EFCAB8: variants seen among roughly 807,000 people sequenced by gnomAD.
EFCAB8 encodes EF-hand calcium-binding domain-containing protein 8.
In EFCAB8, 100 loss-of-function variants were observed where a neutral mutation model predicts 116.3. That is an observed-to-expected ratio of 0.86 (90% CI 0.73 to 1.02). EFCAB8 has a LOEUF of 1.02. Ranked by LOEUF, EFCAB8 falls within the 50% of genes least tolerant of loss-of-function variation. The pLI is 0.00. For synonymous variants in EFCAB8, 558 were observed against 567.9 expected (o/e 0.98, Z 0.25); for missense variants, 1,320 against 1,416.9 (o/e 0.93, Z 1.10).
intron 23 of EFCAB8, among the ~76,000 whole-genome samples, chr20:32,948,063 G>T (rs1988659933): frequency 6.6e-6 from 1 of 152,014 alleles, no homozygotes; most frequent in Non-Finnish European, 1.5e-5. Flanking sequence ...TCTTTGAAAA[G>T]ATAGTTAAAT....
At position 32,909,862 on chromosome 20, in the gene EFCAB8, C is replaced by T; in HGVS notation, c.1488C>T (p.Ile496=). The T allele has an allele frequency of 8.0e-7, 1 of 1,249,918 alleles. No individual in the cohort carries two copies. The highest frequency in any genetic ancestry group is 1.0e-6 in the Non-Finnish European group (1 of 988,284). The allele number at this position is 1,249,918 out of a possible 1,614,324, so 77.4% of individuals were successfully genotyped here. A position where few individuals can be genotyped will look rare whatever the true frequency, so the allele number is the denominator to read the frequency against. Residue 496 remains isoleucine, a synonymous_variant, in exon 15 of 27, where the codon ATC becomes ATT. Coordinates refer to ENST00000400522, the MANE Select transcript of EFCAB8 (RefSeq NM_001143967.2). ...LKGYLEAQGL[I]KARKRTTHCS... The stretch of plus-strand genomic sequence containing the variant: ...GGTACTTAGAGGCCCAGGGGCTTAT[C>T]AAAGCAAGGAAGAGGACCACTCATT...
intron 5 of EFCAB8, among the ~76,000 whole-genome samples, chr20:32,883,484 A>G (rs1187439895): frequency 6.6e-6 from 1 of 152,174 alleles, no homozygotes; most frequent in Non-Finnish European, 1.5e-5. Flanking sequence ...CCCATGTAGC[A>G]TGTCCAGTTC....
At chr20:32,876,624 T>A (rs1182972812) in intron 4 of EFCAB8, among the ~76,000 whole-genome samples, 1 of 152,198 alleles carries the variant, frequency 6.6e-6, no homozygotes, top group African/African-American at 2.4e-5. Context: ...TCTCTATGTA[T>A]TATTTTACTT....
intron 23 of EFCAB8, among the ~76,000 whole-genome samples, chr20:32,948,711 G>A (rs1482989754): frequency 6.6e-6 from 1 of 151,970 alleles, no homozygotes; most frequent in Non-Finnish European, 1.5e-5. Context: ...ATACAAGGTT[G>A]GTTTAATATT....
At chr20:32,909,766 C>A in intron 14 of EFCAB8, 55 bp from the exon 15 acceptor site, 1 of 963,172 alleles carries the variant, frequency 1.0e-6, no homozygotes, top group Non-Finnish European at 1.4e-6. Flanking sequence ...CAGCCCATCA[C>A]TGTGAGCAGA....
At chr20:32,950,686 T>G (rs1988771170) in intron 23 of EFCAB8, among the ~76,000 whole-genome samples, 1 of 152,198 alleles carries the variant, frequency 6.6e-6, no homozygotes, top group African/African-American at 2.4e-5. Context: ...AGCTTCCCTA[T>G]CTTAGTGCAC....
intron 17 of EFCAB8, among the ~76,000 whole-genome samples, chr20:32,913,588 T>C (rs1160635673): frequency 1.4e-4 from 22 of 152,218 alleles, no homozygotes; most frequent in Admixed American, 1.4e-3. Context: ...CTTGTTCCAG[T>C]ATCAACTTTA....
chr20:32,876,268 CCT>C (rs1446015145), intron 4 of EFCAB8, among the ~76,000 whole-genome samples: 2 of 152,194 alleles, frequency 1.3e-5, no homozygotes, highest in Non-Finnish European at 2.9e-5. Context: ...GTCGTTGGCC[CCT>C]GTGTGAGACC....
Position 32,961,576 on chromosome 20 carries a change from C to A in EFCAB8, c.3834C>A (p.Ser1278=). Residue 1278 remains serine (S), a synonymous_variant, in exon 27 of 27, where the codon TCC becomes TCA. Transcript: ENST00000400522. Reference sequence around the variant, plus strand: ...GGCCTCTGAAGGCCACCTTCATGTCCTCTGTGAAGGGGAGCTCCCATGTCA... The same window carrying A: ...GGCCTCTGAAGGCCACCTTCATGTCATCTGTGAAGGGGAGCTCCCATGTCA... ...PPRPLKATFM[S]SVKGSSHVRF is the part of the protein sequence containing the mutation. 1 of 1,376,704 alleles carries A rather than the reference C, an allele frequency of 7.3e-7. No homozygotes were observed. 85.3% of individuals were successfully genotyped at this position (1,376,704 alleles called of 1,614,324 possible).
At chr20:32,865,170 A>C (rs1252258845) in intron 2 of EFCAB8, among the ~76,000 whole-genome samples, 1 of 152,186 alleles carries the variant, frequency 6.6e-6, no homozygotes, top group African/African-American at 2.4e-5. Flanking sequence ...AGATATGAAC[A>C]AAGACCTGGG....
chr20:32,864,640 G>A (rs1984297311), intron 2 of EFCAB8, among the ~76,000 whole-genome samples: 1 of 152,126 alleles, frequency 6.6e-6, no homozygotes, highest in African/African-American at 2.4e-5. Context: ...GCCCCCTGAT[G>A]TACGGTCTGT....
At chr20:32,956,959 A>C (rs201922375) in intron 23 of EFCAB8, among the ~76,000 whole-genome samples, 7 of 98,144 alleles carry the variant, frequency 7.1e-5, no homozygotes, top group African/African-American at 1.9e-4. Context: ...TTTTTTTTTC[A>C]TTTTTTTTCA....
At chr20:32,891,312 G>A (rs140941150) in intron 7 of EFCAB8, among the ~76,000 whole-genome samples, 1 of 152,236 alleles carries the variant, frequency 6.6e-6, no homozygotes, top group East Asian at 1.9e-4. Flanking sequence ...GGCTGGACCT[G>A]GTCTGCTGGG....
chr20:32,918,333 C>A, intron 18 of EFCAB8, 29 bp from the exon 19 acceptor site: 1 of 1,549,348 alleles, frequency 6.5e-7, no homozygotes, highest in South Asian at 1.2e-5. Flanking sequence ...CATTGCAGTG[C>A]CTTAGGGGCT....
rs1600475973 is a variant in EFCAB8, at chr20:32,960,084, G to A, written c.3316G>A (p.Ala1106Thr). 1 of 1,551,710 alleles carries A rather than the reference G, an allele frequency of 6.4e-7. No homozygotes were observed. The highest frequency in any genetic ancestry group is 8.7e-7 in the Non-Finnish European group (1 of 1,146,990). ...DKQVSKVLGA[A>T]YKPKERLQNT... ...GCAGGTGAGCAAAGTCTTGGGAGCG[G>A]CGTATAAGCCCAAGGAACGCTTGCA... is the stretch of plus-strand genomic sequence containing the variant. Residue 1106 changes from alanine to threonine, a missense_variant, in exon 26 of 27, where the codon GCG (alanine) becomes ACG (threonine). Ala to Thr is a moderately conservative substitution (Grantham distance 58, BLOSUM62 0). Coordinates refer to ENST00000400522, the MANE Select transcript of EFCAB8 (RefSeq NM_001143967.2).
chr20:32,929,006 A>T (rs1028407527), intron 20 of EFCAB8, among the ~76,000 whole-genome samples: 2 of 151,746 alleles, frequency 1.3e-5, no homozygotes, highest in Non-Finnish European at 2.9e-5. Context: ...ATGTTGAATC[A>T]TCCTTGCATT....
intron 20 of EFCAB8, among the ~76,000 whole-genome samples, chr20:32,928,425 C>T (rs879604716): frequency 1.3e-5 from 2 of 151,898 alleles, no homozygotes; most frequent in South Asian, 2.1e-4. Flanking sequence ...TTAGTAGAGA[C>T]GGGCTTTCAC....
Position 32,960,086 on chromosome 20 carries a change from G to A in EFCAB8, c.3318G>A (p.Ala1106=), listed in dbSNP as rs765880933. 4.6e-5 allele frequency: 72 copies of A among 1,551,602 alleles called. No individual in the cohort carries two copies. In the East Asian group the frequency reaches 5.6e-4, roughly 12 times the overall value. ...DKQVSKVLGA[A]YKPKERLQNT... is the part of the protein sequence containing the mutation. ...AGGTGAGCAAAGTCTTGGGAGCGGCGTATAAGCCCAAGGAACGCTTGCAGA... is the reference window on the plus strand; with the variant it reads ...AGGTGAGCAAAGTCTTGGGAGCGGCATATAAGCCCAAGGAACGCTTGCAGA... The change falls in exon 26 of 27, where the codon GCG becomes GCA. Residue 1106 remains alanine (A), a synonymous_variant. Transcript: ENST00000400522.
In EFCAB8 at chr20:32,863,175, T is replaced by C. The variant is rs371955159; in HGVS notation, c.-10-608T>C. On this transcript the variant is annotated intron_variant, in intron 1 of 26. Coordinates refer to ENST00000400522, the MANE Select transcript of EFCAB8 (RefSeq NM_001143967.2). ...CATCCTAGAGTGCCCTCTGGACTCTTGCCTGGTGGGACTTGCTGACGAGGT... is the reference window on the plus strand; with the variant it reads ...CATCCTAGAGTGCCCTCTGGACTCTCGCCTGGTGGGACTTGCTGACGAGGT... Among the ~76,000 whole-genome samples, 4 of 152,302 alleles carry C rather than the reference T, an allele frequency of 2.6e-5. No homozygotes were observed. In the East Asian group the frequency reaches 7.7e-4, roughly 29 times the overall value.
Sources: gnomAD v4.1 joint callset for allele counts (sites outside exome capture counted in the v4.1 genomes callset) on GRCh38, gnomAD v4.1.1 for gene constraint, MANE v1.5 for transcripts, NCBI Gene and HGNC (gene_info 2026-07-23, HGNC 2026-07-21) for gene names.